The following CPM variants were observed in gnomAD, a reference collection of about 807,000 sequenced individuals.
CPM encodes the protein carboxypeptidase M.
Under a neutral mutation model 46.4 loss-of-function variants are expected in CPM, and 35 were observed. The observed-to-expected ratio is 0.75, with a 90% confidence interval of 0.58 to 1.00. The LOEUF is 1.00. Among genes scored for constraint, CPM ranks in the 50% least tolerant of loss-of-function variants. The pLI is 0.00. For missense variants in CPM, 422 were observed against 530.4 expected (o/e 0.80, Z 2.01); for synonymous variants, 195 against 195.3 (o/e 1.00, Z 0.01).
rs1281142329 is a variant in CPM, at chr12:68,854,166, A to G, written c.*2271T>C. The G allele has an allele frequency of 6.6e-6, 1 of 152,198 alleles. No individual in the cohort carries two copies. The highest frequency in any genetic ancestry group is 1.5e-5 in the Non-Finnish European group (1 of 68,028). 9.4% of individuals were successfully genotyped at this position (152,198 alleles called of 1,614,324 possible). A position where few individuals can be genotyped will look rare whatever the true frequency, so the allele number is the denominator to read the frequency against. On this transcript the variant is annotated 3_prime_UTR_variant, in exon 9 of 9. Transcript: ENST00000551568. Reference sequence around the variant, plus strand: ...ATAGACATGAAAACACTCTTCTGTCAGCGTTCATAGTGAGCTGGGAGGTTG... The same window carrying G: ...ATAGACATGAAAACACTCTTCTGTCGGCGTTCATAGTGAGCTGGGAGGTTG...
chr12:68,895,522 G>A (rs535183806), intron 2 of CPM, among the ~76,000 whole-genome samples: 1 of 152,288 alleles, frequency 6.6e-6, no homozygotes, highest in Admixed American at 6.5e-5. Flanking sequence ...GTACAGTCCA[G>A]CCCTTTTCAT....
intron 2 of CPM, among the ~76,000 whole-genome samples, chr12:68,922,950 T>G (rs1219869149): frequency 6.6e-6 from 1 of 152,154 alleles, no homozygotes; most frequent in African/African-American, 2.4e-5. Flanking sequence ...AGACTCTTGC[T>G]GTGTTGCCCA....
At chr12:68,864,166 T>C (rs1374465207) in intron 7 of CPM, among the ~76,000 whole-genome samples, 2 of 152,322 alleles carry the variant, frequency 1.3e-5, no homozygotes, top group East Asian at 3.9e-4. Context: ...GCAAATGGGC[T>C]GGGCATGGTG....
At chr12:68,869,573 C>T in intron 5 of CPM, 78 bp from the exon 6 acceptor site, 1 of 1,293,882 alleles carries the variant, frequency 7.7e-7, no homozygotes, top group Non-Finnish European at 1.1e-6. Context: ...TTAGCAAAGA[C>T]ATAATCGCAT....
chr12:68,903,413 T>G (rs574180668), intron 2 of CPM, among the ~76,000 whole-genome samples: 1 of 152,294 alleles, frequency 6.6e-6, no homozygotes, highest in South Asian at 2.1e-4. Flanking sequence ...AGGCCCAAGA[T>G]TACATGGGCA....
At chr12:68,894,314 T>C (rs948533202) in intron 2 of CPM, among the ~76,000 whole-genome samples, 3 of 152,236 alleles carry the variant, frequency 2.0e-5, no homozygotes, top group Non-Finnish European at 4.4e-5. Flanking sequence ...TGGCGCACTG[T>C]AGGTTTCAAT....
At chr12:68,882,693 T>A (rs2136247227) in intron 3 of CPM, among the ~76,000 whole-genome samples, 1 of 152,376 alleles carries the variant, frequency 6.6e-6, no homozygotes, top group East Asian at 1.9e-4. Flanking sequence ...GTGTAAGTGA[T>A]CCTTTTTCTC....
At chr12:68,848,009 T>C (rs949468271), downstream of CPM, 1 of 152,066 alleles carries the variant, frequency 6.6e-6, no homozygotes, top group African/African-American at 2.4e-5. Context: ...CAAAAAATTG[T>C]GGTGGCATGC....
In CPM at chr12:68,870,340, T is replaced by C; in HGVS notation, c.491A>G (p.Asn164Ser). The change falls in exon 5 of 9, where the codon AAT (asparagine) becomes AGT (serine). Residue 164 changes from asparagine (N) to serine (S), a missense_variant. Asn to Ser is a conservative substitution (Grantham distance 46). Transcript: ENST00000551568. ...CACAGTTTCAGGCTGCCTTGAGACA[T>C]TATTATATTCAAAAGCATCGGGGAA... ...RNFPDAFEYN[N>S]VSRQPETVAV... 1 of 1,614,194 alleles carries C rather than the reference T, an allele frequency of 6.2e-7. No homozygotes were observed.
intron 2 of CPM, among the ~76,000 whole-genome samples, chr12:68,891,628 T>C (rs1000979354): frequency 6.6e-6 from 1 of 152,218 alleles, no homozygotes; most frequent in Admixed American, 6.5e-5. Context: ...AGTATCAGTA[T>C]CACCTGGGAA....
chr12:68,958,463 A>G (rs951012496), intron 1 of CPM, among the ~76,000 whole-genome samples: 1 of 152,040 alleles, frequency 6.6e-6, no homozygotes, highest in Non-Finnish European at 1.5e-5. Flanking sequence ...AGGAAATGAA[A>G]CCACCTTACA....
At chr12:68,862,798 AAC>A (rs1885266257) in intron 7 of CPM, among the ~76,000 whole-genome samples, 1 of 152,098 alleles carries the variant, frequency 6.6e-6, no homozygotes, top group African/African-American at 2.4e-5. Context: ...CTGAAGTTGA[AAC>A]ATTGAAAAAA....
chr12:68,875,842 T>C (rs1366419559), intron 3 of CPM, among the ~76,000 whole-genome samples: 4 of 151,620 alleles, frequency 2.6e-5, no homozygotes, highest in Non-Finnish European at 4.4e-5. Flanking sequence ...TGATAATCAA[T>C]TTCTTATTTT....
intron 3 of CPM, among the ~76,000 whole-genome samples, chr12:68,875,362 AAAG>A (rs143533962): frequency 0.5 from 75,108 of 150,660 alleles, 19,330 homozygotes; most frequent in Non-Finnish European, 0.58. Context: ...CTCAAAAAAA[AAAG>A]AAGTTGAGGG....
At chr12:68,895,879 A>C in intron 2 of CPM, among the ~76,000 whole-genome samples, 1 of 152,200 alleles carries the variant, frequency 6.6e-6, no homozygotes, top group Non-Finnish European at 1.5e-5. Flanking sequence ...ATGAAGTCCA[A>C]ATGAAAACAT....
rs528829559 is a variant in CPM, at chr12:68,896,035, C to A, written c.161-10146G>T. Among the ~76,000 whole-genome samples the A allele has an allele frequency of 2.0e-5, 3 of 152,336 alleles. No homozygotes were observed. The East Asian group carries it at 5.8e-4, about 29-fold the overall frequency. On this transcript the variant is annotated intron_variant, in intron 2 of 8. Coordinates refer to ENST00000551568, the MANE Select transcript of CPM (RefSeq NM_198320.5). Reference sequence around the variant, plus strand: ...GCATGCACACCAGACCTCTTGGGATCTGTCTTCTTCCTGCCTTGGGTTTCC... The same window carrying A: ...GCATGCACACCAGACCTCTTGGGATATGTCTTCTTCCTGCCTTGGGTTTCC...
intron 1 of CPM, among the ~76,000 whole-genome samples, chr12:68,946,056 A>G (rs992903047): frequency 2.3e-4 from 35 of 150,968 alleles, no homozygotes; most frequent in Admixed American, 2.3e-3. Flanking sequence ...GGGTCTCCCT[A>G]TGTTGCCCAG....
chr12:68,943,446 T>G (rs915743681), intron 1 of CPM, among the ~76,000 whole-genome samples: 4 of 152,210 alleles, frequency 2.6e-5, no homozygotes, highest in Non-Finnish European at 5.9e-5. Flanking sequence ...ATACAACAGA[T>G]AGTATATGTT....
rs538267040 is a variant in CPM at position 68,857,231 on chromosome 12, G to T, written c.1090-552C>A. On this transcript the variant is annotated intron_variant, in intron 8 of 8. Transcript: ENST00000551568. ...CCTGGAGTACAGTGGCTCAATCTTG[G>T]CTCATTGCAACCTCCGCCTCCCGGG... Among the ~76,000 whole-genome samples, 53 of 151,034 alleles carry T rather than the reference G, an allele frequency of 3.5e-4. No homozygotes were observed. The South Asian group carries it at 0.011, about 30-fold the overall frequency.
Sources: allele counts gnomAD v4.1 joint callset (sites outside exome capture counted in the v4.1 genomes callset), GRCh38; gene constraint gnomAD v4.1.1; transcripts MANE v1.5; gene names NCBI Gene and HGNC (gene_info 2026-07-23, HGNC 2026-07-21).